The following ALPK2 variants were observed in gnomAD, a reference collection of about 807,000 sequenced individuals.
ALPK2 encodes the protein alpha kinase 2.
Under a neutral mutation model 163.1 loss-of-function variants are expected in ALPK2, and 127 were observed. The ratio of observed to expected loss-of-function variants is 0.78; its 90% CI spans 0.67 to 0.90. The LOEUF is 0.90. Ranked by LOEUF, ALPK2 falls within the 40% of genes least tolerant of loss-of-function variation. The probability of loss-of-function intolerance (pLI) is 0.00; values close to 1 mark genes in which losing one functional copy is unlikely to be tolerated. For synonymous variants in ALPK2, 953 were observed against 959.1 expected, an observed-to-expected ratio of 0.99 and a Z score of 0.12; for missense variants, 2,360 against 2,589.6, an observed-to-expected ratio of 0.91 and a Z score of 1.92.
intron 4 of ALPK2, among the ~76,000 whole-genome samples, chr18:58,575,579 T>C (rs2051916506): frequency 6.6e-6 from 1 of 152,208 alleles, no homozygotes; most frequent in Non-Finnish European, 1.5e-5. Flanking sequence ...GTGAGGATGA[T>C]CTTACCCTAG....
chr18:58,580,676 T>A (rs2051954058), intron 3 of ALPK2, 128 bp from the exon 4 acceptor site: 3 of 951,570 alleles, frequency 3.2e-6, no homozygotes, highest in Non-Finnish European at 4.7e-6. Context: ...GTGATCTCCC[T>A]GGAAAAGAGT....
intron 3 of ALPK2, 38 bp downstream of exon 3, chr18:58,607,284 G>A: frequency 1.4e-6 from 2 of 1,411,472 alleles, no homozygotes; most frequent in Non-Finnish European, 2.0e-6. Context: ...AGAATATAAG[G>A]ATATTAGTAA....
intron 12 of ALPK2, among the ~76,000 whole-genome samples, chr18:58,495,751 CTA>C (rs1310134256): frequency 1.3e-5 from 2 of 152,218 alleles, no homozygotes; most frequent in Admixed American, 1.3e-4. Context: ...CGAAGGGAAA[CTA>C]ATATTTATCT....
Position 58,523,657 on chromosome 18 carries a change from G to A in ALPK2, c.5665+149C>T. On this transcript the variant is annotated intron_variant, in intron 8 of 12. Transcript: ENST00000361673. ...TTGTGGTTTTGATTTGCATTTCTCTGATGGCATTCATTTCTTAAGTCACGC... is the reference window on the plus strand; with the variant it reads ...TTGTGGTTTTGATTTGCATTTCTCTAATGGCATTCATTTCTTAAGTCACGC... 4 of 910,462 alleles carry A rather than the reference G, an allele frequency of 4.4e-6. No individual in the cohort carries two copies. In the Middle Eastern group the frequency reaches 9.9e-4, roughly 226 times the overall value. The allele number at this position is 910,462 out of a possible 1,614,324, so 56.4% of individuals were successfully genotyped here. A position where few individuals can be genotyped will look rare whatever the true frequency, so the allele number is the denominator to read the frequency against.
chr18:58,627,597 C>T (rs2052238838), intron 1 of ALPK2, among the ~76,000 whole-genome samples: 1 of 152,100 alleles, frequency 6.6e-6, no homozygotes. Flanking sequence ...TGTACTCCAG[C>T]CTGGGCAACA....
At chr18:58,564,120 G>GTTTTTTTTTTTTTTTT (rs1555672429) in intron 4 of ALPK2, among the ~76,000 whole-genome samples, 1 of 42,854 alleles carries the variant, frequency 2.3e-5, no homozygotes, top group Non-Finnish European at 3.9e-5. Flanking sequence ...TGATGTCTTT[G>GTTTTTTTTTTTTTTTT]TTCTTTTTTT....
At chr18:58,539,633 A>G (rs1185128599) in intron 4 of ALPK2, among the ~76,000 whole-genome samples, 1 of 152,186 alleles carries the variant, frequency 6.6e-6, no homozygotes, top group Admixed American at 6.5e-5. Context: ...TGTGCAGGGA[A>G]CAGATGACTG....
Position 58,536,785 on chromosome 18 carries a change from CTTTG to C in ALPK2, c.3398_3401del (p.Thr1133SerfsTer75), listed in dbSNP as rs761371908. On this transcript the variant is annotated frameshift_variant, in exon 5 of 13. Transcript: ENST00000361673. The stretch of plus-strand genomic sequence containing the variant: ...ACAGGCTCTGCTGCTGGACCCCCTG[CTTTG>C]TTTCACTTCCTCTTTCTTGGAAATT... The C allele has an allele frequency of 5.0e-6, 8 of 1,614,096 alleles. No homozygotes were observed. In the African/African-American group the frequency reaches 9.3e-5, roughly 19 times the overall value.
At chr18:58,613,698 CAAAAAA>C (rs1223191157) in intron 1 of ALPK2, among the ~76,000 whole-genome samples, 790 of 57,248 alleles carry the variant, frequency 0.014, 17 homozygotes, top group African/African-American at 0.061. Flanking sequence ...GACTCCATCT[CAAAAAA>C]AAAAAATAAT....
intron 5 of ALPK2, among the ~76,000 whole-genome samples, chr18:58,530,074 C>CA (rs1383201395): frequency 6.6e-6 from 1 of 152,106 alleles, no homozygotes; most frequent in Non-Finnish European, 1.5e-5. Flanking sequence ...GTTGGTAACA[C>CA]AAAAAAGTAC....
At chr18:58,613,142 G>A (rs1490972093) in intron 1 of ALPK2, among the ~76,000 whole-genome samples, 1 of 152,130 alleles carries the variant, frequency 6.6e-6, no homozygotes, top group Non-Finnish European at 1.5e-5. Context: ...CACTTTTCCA[G>A]ATTGTCTCAG....
rs927412152 is a variant in ALPK2, at chr18:58,517,114, C to A, written c.5734G>T (p.Gly1912Cys). The A allele has an allele frequency of 1.2e-6, 2 of 1,614,094 alleles. No homozygotes were observed. Among genetic ancestry groups the A allele is most frequent in the Admixed American group, 3.3e-5 (2 of 60,000 alleles). ...GTGGCGATCTGACCACGCAGGCGGC[C>A]CCCAAAGTAGCTGTCATGGAGGAAG... is the stretch of plus-strand genomic sequence containing the variant. ...EDFLHDSYFG[G>C]RLRGQIATEE... is the part of the protein sequence containing the mutation. Residue 1912 changes from glycine (G) to cysteine (C), a missense_variant, in exon 9 of 13, where the codon GGC (glycine) becomes TGC (cysteine). Coordinates refer to ENST00000361673, the MANE Select transcript of ALPK2 (RefSeq NM_052947.4).
chr18:58,500,659 T>A (rs899160513), intron 11 of ALPK2, among the ~76,000 whole-genome samples: 1 of 152,312 alleles, frequency 6.6e-6, no homozygotes, highest in Middle Eastern at 3.4e-3. Context: ...GCACAGTGGC[T>A]CATGCCTGTA....
chr18:58,518,882 T>C (rs2051535529), intron 8 of ALPK2, among the ~76,000 whole-genome samples: 1 of 152,240 alleles, frequency 6.6e-6, no homozygotes, highest in Admixed American at 6.5e-5. Flanking sequence ...TAAGCTGGAA[T>C]TCAAACCCCT....
intron 3 of ALPK2, among the ~76,000 whole-genome samples, chr18:58,598,244 C>T (rs1170567192): frequency 6.6e-6 from 1 of 152,242 alleles, no homozygotes; most frequent in African/African-American, 2.4e-5. Context: ...CAGCTCCTCT[C>T]CCATATGAGG....
intron 12 of ALPK2, among the ~76,000 whole-genome samples, chr18:58,497,258 A>G (rs943867102): frequency 2.0e-5 from 3 of 152,192 alleles, no homozygotes; most frequent in Admixed American, 6.5e-5. Context: ...CATCCCCTCC[A>G]AAAGTCATGA....
chr18:58,533,874 A>G (rs1359356223), intron 5 of ALPK2, among the ~76,000 whole-genome samples: 1 of 152,172 alleles, frequency 6.6e-6, no homozygotes, highest in Non-Finnish European at 1.5e-5. Flanking sequence ...GACCCATTTG[A>G]TGGGATGGGA....
In ALPK2 at chr18:58,537,861, C is replaced by T; in HGVS notation, c.2326G>A (p.Val776Ile). ...GTATCTGTGGGTTCAGGGGAAGCAA[C>T]AGAGACAGCCACAGGCTCCCTGAAG... ...ADFREPVAVSVASPEPTDTAL... is the reference protein window; with the variant it reads ...ADFREPVAVSIASPEPTDTAL... The change falls in exon 5 of 13, where the codon GTT (valine) becomes ATT (isoleucine). Residue 776 changes from valine (V) to isoleucine (I), a missense_variant. Transcript: ENST00000361673. 1.9e-6 allele frequency: 3 copies of T among 1,614,162 alleles called. No individual in the cohort carries two copies. In the South Asian group the frequency reaches 3.3e-5, roughly 18 times the overall value.
intron 1 of ALPK2, among the ~76,000 whole-genome samples, chr18:58,626,646 C>A (rs1240125426): frequency 6.6e-6 from 1 of 152,012 alleles, no homozygotes; most frequent in Non-Finnish European, 1.5e-5. Context: ...TCTACTTCTG[C>A]TTTTAGATAA....
Sources: allele counts gnomAD v4.1 joint callset (sites outside exome capture counted in the v4.1 genomes callset), GRCh38; gene constraint gnomAD v4.1.1; transcripts MANE v1.5; gene names NCBI Gene and HGNC (gene_info 2026-07-23, HGNC 2026-07-21).